The following FBXO42 variants were observed in gnomAD, a reference collection of about 807,000 sequenced individuals.
FBXO42 encodes the protein F-box only protein 42.
FBXO42 carries 12 observed loss-of-function variants against 71.7 expected under a neutral mutation model. The ratio of observed to expected loss-of-function variants is 0.17; its 90% confidence interval spans 0.11 to 0.27. The LOEUF is 0.27. Among genes scored for constraint, FBXO42 ranks in the 10% least tolerant of loss-of-function variants. FBXO42 has a pLI of 1.00. For missense variants in FBXO42, 707 were observed against 911.9 expected (o/e 0.78, Z 2.89); for synonymous variants, 325 against 327.5 (o/e 0.99, Z 0.08).
At chr1:16,307,314 C>T (rs769805824) in intron 2 of FBXO42, among the ~76,000 whole-genome samples, 1 of 152,050 alleles carries the variant, frequency 6.6e-6, no homozygotes, top group Non-Finnish European at 1.5e-5. Flanking sequence ...GCCCGGGCAA[C>T]ATAGCAAGAC....
chr1:16,319,563 C>G (rs76723736), intron 1 of FBXO42, among the ~76,000 whole-genome samples: 2 of 152,156 alleles, frequency 1.3e-5, no homozygotes, highest in African/African-American at 4.8e-5. Context: ...CAATTCCCTT[C>G]ATTCCCCAAA....
At chr1:16,274,094 GAGACCAGGCATTCA>G (rs2081873162) in intron 4 of FBXO42, among the ~76,000 whole-genome samples, 1 of 152,104 alleles carries the variant, frequency 6.6e-6, no homozygotes. Context: ...AGGATTGTTT[GAGACCAGGCATTCA>G]AGACCAGGCT....
intron 3 of FBXO42, among the ~76,000 whole-genome samples, chr1:16,297,304 C>T (rs78126223): frequency 0.028 from 4,212 of 151,956 alleles, 83 homozygotes; most frequent in Non-Finnish European, 0.043. Flanking sequence ...GGACTCTCTA[C>T]GGTAAGAAGG....
intron 4 of FBXO42, among the ~76,000 whole-genome samples, chr1:16,269,384 C>A (rs1398689134): frequency 1.4e-5 from 2 of 147,330 alleles, no homozygotes; most frequent in African/African-American, 2.5e-5. Context: ...CCACCGAACC[C>A]AGACTTTTTT....
chr1:16,316,730 CAAAAAAA>C (rs71003274), intron 1 of FBXO42, among the ~76,000 whole-genome samples: 22 of 51,584 alleles, frequency 4.3e-4, no homozygotes, highest in Non-Finnish European at 4.8e-4. Context: ...GAAAGACTCT[CAAAAAAA>C]AAAAAAAAAA....
intron 4 of FBXO42, among the ~76,000 whole-genome samples, chr1:16,278,769 C>T (rs1300935870): frequency 6.6e-6 from 1 of 152,054 alleles, no homozygotes; most frequent in East Asian, 1.9e-4. Context: ...ACAGTTATTT[C>T]TCTTTTTTTC....
chr1:16,348,264 C>T (rs867475329), intron 1 of FBXO42, among the ~76,000 whole-genome samples: 6 of 152,038 alleles, frequency 3.9e-5, no homozygotes, highest in Non-Finnish European at 7.4e-5. Flanking sequence ...TCCAAAAATT[C>T]GAAGTTTTTG....
At chr1:16,335,615 T>A (rs1370847934) in intron 1 of FBXO42, among the ~76,000 whole-genome samples, 1 of 152,022 alleles carries the variant, frequency 6.6e-6, no homozygotes, top group East Asian at 1.9e-4. Context: ...CCTGTAATCC[T>A]ACCACTTTGG....
chr1:16,300,146 T>C (rs1003752440), intron 3 of FBXO42, among the ~76,000 whole-genome samples: 10 of 152,180 alleles, frequency 6.6e-5, no homozygotes, highest in Admixed American at 1.3e-4. Context: ...TCAACCTAAA[T>C]AGAAAATTTT....
chr1:16,329,969 G>T (rs1044321304), intron 1 of FBXO42, among the ~76,000 whole-genome samples: 1 of 152,018 alleles, frequency 6.6e-6, no homozygotes, highest in African/African-American at 2.4e-5. Flanking sequence ...AAACAAAAAG[G>T]GGGGAATCTC....
intron 1 of FBXO42, among the ~76,000 whole-genome samples, chr1:16,322,796 T>A (rs1569922510): frequency 6.6e-6 from 1 of 152,114 alleles, no homozygotes; most frequent in Admixed American, 6.6e-5. Context: ...GTAATGAAAG[T>A]TCCCCACTTA....
intron 4 of FBXO42, among the ~76,000 whole-genome samples, chr1:16,286,886 G>C (rs763483821): frequency 6.6e-6 from 1 of 152,038 alleles, no homozygotes; most frequent in Non-Finnish European, 1.5e-5. Flanking sequence ...TCCAAAATAT[G>C]AGCAAATCCC....
At chr1:16,322,627 C>T (rs1445176882) in intron 1 of FBXO42, among the ~76,000 whole-genome samples, 1 of 152,056 alleles carries the variant, frequency 6.6e-6, no homozygotes, top group Non-Finnish European at 1.5e-5. Context: ...CTACATATAA[C>T]TAAACACAAA....
At chr1:16,267,514 T>C (rs2081791061) in intron 4 of FBXO42, among the ~76,000 whole-genome samples, 1 of 152,184 alleles carries the variant, frequency 6.6e-6, no homozygotes, top group Admixed American at 6.5e-5. Flanking sequence ...GGAAGCCAAA[T>C]GGTTATAGAT....
chr1:16,297,441 G>A (rs78722034), intron 3 of FBXO42, among the ~76,000 whole-genome samples: 1 of 152,268 alleles, frequency 6.6e-6, no homozygotes, highest in East Asian at 1.9e-4. Context: ...GTGGAATAAT[G>A]GAGCTGCAGG....
At chr1:16,255,874 T>C (rs542862960) in intron 5 of FBXO42, 53 bp from the exon 6 acceptor site, 1 of 1,256,784 alleles carries the variant, frequency 8.0e-7, no homozygotes, top group Admixed American at 2.2e-5. Flanking sequence ...ACACTTTATG[T>C]AAAAATAGTA....
chr1:16,296,595 A>G (rs2082132353), intron 3 of FBXO42, among the ~76,000 whole-genome samples: 1 of 147,614 alleles, frequency 6.8e-6, no homozygotes, highest in African/African-American at 2.5e-5. Context: ...GGTTGCAGTG[A>G]GCCAAGATTG....
intron 2 of FBXO42, 32 bp from the exon 3 acceptor site, chr1:16,305,951 G>C: frequency 7.2e-7 from 1 of 1,380,754 alleles, no homozygotes; most frequent in Non-Finnish European, 1.0e-6. Context: ...CTTCAGTCCA[G>C]ACACTTAACT....
At chr1:16,272,154 C>CAAAAAA (rs999974704) in intron 4 of FBXO42, among the ~76,000 whole-genome samples, 1 of 44,642 alleles carries the variant, frequency 2.2e-5, no homozygotes, top group African/African-American at 8.8e-5. Flanking sequence ...GACTCCGTCC[C>CAAAAAA]AAAAAAAAAA....
Sources: gnomAD v4.1 joint callset for allele counts (sites outside exome capture counted in the v4.1 genomes callset) on GRCh38, gnomAD v4.1.1 for gene constraint, MANE v1.5 for transcripts, NCBI Gene and HGNC (gene_info 2026-07-23, HGNC 2026-07-21) for gene names.